Variants in RGS6 observed in about 807,000 individuals in gnomAD.
RGS6 encodes regulator of G protein signaling 6.
In RGS6, 30 loss-of-function variants were observed where a neutral mutation model predicts 78.5. The observed-to-expected ratio is 0.38, with a 90% confidence interval of 0.29 to 0.52. RGS6 has a LOEUF of 0.52. RGS6 is among the 20% of genes least tolerant of loss of function. The probability of loss-of-function intolerance (pLI) is 0.85; values close to 1 mark genes in which losing one functional copy is unlikely to be tolerated. For synonymous variants in RGS6, 206 were observed against 206.0 expected (o/e 1.00, Z 0.00); for missense variants, 495 against 609.7 (o/e 0.81, Z 1.98).
At chr14:72,545,657 G>A (rs2097385109) in intron 17 of RGS6, among the ~76,000 whole-genome samples, 1 of 152,190 alleles carries the variant, frequency 6.6e-6, no homozygotes, top group African/African-American at 2.4e-5. Flanking sequence ...GCCAGCCTGT[G>A]AGGCTGGGAA....
chr14:72,136,639 G>C (rs1012194134), intron 2 of RGS6, among the ~76,000 whole-genome samples: 1 of 152,108 alleles, frequency 6.6e-6, no homozygotes, highest in African/African-American at 2.4e-5. Context: ...CCTCCCACTG[G>C]GTCCCTCCCA....
At chr14:72,430,995 T>G in intron 3 of RGS6, among the ~76,000 whole-genome samples, 1 of 152,172 alleles carries the variant, frequency 6.6e-6, no homozygotes. Context: ...TCCATCCAAC[T>G]GAAGGGGTGA....
intron 2 of RGS6, among the ~76,000 whole-genome samples, chr14:72,172,258 C>T (rs931104951): frequency 2.7e-5 from 4 of 150,830 alleles, no homozygotes; most frequent in African/African-American, 9.8e-5. Context: ...GCAGTCCTTT[C>T]GAGATGATGT....
chr14:72,396,012 T>C lies in RGS6; in HGVS notation c.184+43818T>C, dbSNP rs558037042. On this transcript the variant is annotated intron_variant, in intron 3 of 17. Transcript: ENST00000553525. Reference sequence around the variant, plus strand: ...AAACATACGTGAGCATGTGTCTTTATGGCAGCATGATTTATAATCCTTTGG... The same window carrying C: ...AAACATACGTGAGCATGTGTCTTTACGGCAGCATGATTTATAATCCTTTGG... Among the ~76,000 whole-genome samples the C allele has an allele frequency of 5.7e-3, 865 of 152,256 alleles. 4 individuals are homozygous for C. Among genetic ancestry groups the C allele is most frequent in the Non-Finnish European group, 7.5e-3 (512 of 68,024 alleles).
At chr14:72,069,894 A>G (rs116980300) in intron 2 of RGS6, among the ~76,000 whole-genome samples, 8,166 of 152,222 alleles carry the variant, frequency 0.054, 336 homozygotes, top group Non-Finnish European at 0.083. Flanking sequence ...TTATTCACAT[A>G]TTTGCCACAT....
At chr14:72,588,622 G>T in the RGS6 span, among the ~76,000 whole-genome samples, 225 of 152,248 alleles carry the variant, frequency 1.5e-3, 8 homozygotes, top group South Asian at 0.045. Context: ...CAATTCTTTT[G>T]TTGAGGTTGC....
intron 15 of RGS6, among the ~76,000 whole-genome samples, chr14:72,527,047 G>A (rs1386252418): frequency 1.3e-5 from 2 of 152,306 alleles, no homozygotes; most frequent in East Asian, 1.9e-4. Flanking sequence ...TTACCAGGTT[G>A]GGACCTTGTT....
At chr14:72,548,051 G>C (rs1384108156) in intron 17 of RGS6, among the ~76,000 whole-genome samples, 1 of 152,132 alleles carries the variant, frequency 6.6e-6, no homozygotes, top group Non-Finnish European at 1.5e-5. Flanking sequence ...TAGGTGAAGT[G>C]AGTATATTCA....
the RGS6 span, among the ~76,000 whole-genome samples, chr14:72,591,071 A>G: frequency 2.0e-5 from 3 of 152,272 alleles, no homozygotes; most frequent in Non-Finnish European, 2.9e-5. Context: ...ATTCATACAA[A>G]AAAAAGACTT....
chr14:72,247,632 T>G (rs990843206), intron 2 of RGS6, among the ~76,000 whole-genome samples: 4 of 152,236 alleles, frequency 2.6e-5, no homozygotes, highest in African/African-American at 9.6e-5. Flanking sequence ...GTTGAAAATG[T>G]AATTCCAATG....
the RGS6 span, among the ~76,000 whole-genome samples, chr14:71,870,115 G>A: frequency 2.6e-5 from 4 of 152,146 alleles, no homozygotes; most frequent in Admixed American, 6.5e-5. Context: ...GGTCTTTTGG[G>A]CATCACCCAA....
intron 2 of RGS6, among the ~76,000 whole-genome samples, chr14:72,319,806 T>C (rs1451067497): frequency 6.6e-6 from 1 of 152,126 alleles, no homozygotes; most frequent in African/African-American, 2.4e-5. Context: ...AATAGTATAT[T>C]TGGGTGACGA....
intron 2 of RGS6, among the ~76,000 whole-genome samples, chr14:72,304,449 G>A (rs1371871733): frequency 6.6e-6 from 1 of 152,138 alleles, no homozygotes; most frequent in Non-Finnish European, 1.5e-5. Context: ...TAGACACTGG[G>A]TTTTTACTCT....
chr14:72,113,122 T>A (rs2095809469), intron 2 of RGS6, among the ~76,000 whole-genome samples: 2 of 151,962 alleles, frequency 1.3e-5, no homozygotes, highest in African/African-American at 2.4e-5. Context: ...ACACCCCACT[T>A]CATGCTTAGA....
chr14:72,323,987 G>C (rs371556614), intron 2 of RGS6, among the ~76,000 whole-genome samples: 6 of 151,418 alleles, frequency 4.0e-5, no homozygotes, highest in East Asian at 3.9e-4. Context: ...CATCACATTA[G>C]GGTAAATAGA....
intron 2 of RGS6, among the ~76,000 whole-genome samples, chr14:72,003,772 G>A (rs932860705): frequency 1.3e-5 from 2 of 152,084 alleles, no homozygotes; most frequent in Non-Finnish European, 2.9e-5. Flanking sequence ...TGTTGTCATT[G>A]GAAGGCCTCA....
intron 2 of RGS6, among the ~76,000 whole-genome samples, chr14:72,076,305 C>T (rs1179803640): frequency 6.6e-6 from 1 of 152,094 alleles, no homozygotes; most frequent in Non-Finnish European, 1.5e-5. Flanking sequence ...TTTATTTTTC[C>T]ATTTCTGAAT....
At chr14:72,019,486 G>GTCT (rs1567032538) in intron 2 of RGS6, among the ~76,000 whole-genome samples, 1 of 152,116 alleles carries the variant, frequency 6.6e-6, no homozygotes. Flanking sequence ...AAGGCAGATG[G>GTCT]GTGCACCATT....
At chr14:71,923,931 C>T in the RGS6 span, among the ~76,000 whole-genome samples, 2 of 152,284 alleles carry the variant, frequency 1.3e-5, no homozygotes, top group East Asian at 1.9e-4. Flanking sequence ...AGGAAACCTT[C>T]GTGATCTATG....
Sources: gnomAD v4.1 joint callset for allele counts (sites outside exome capture counted in the v4.1 genomes callset) on GRCh38, gnomAD v4.1.1 for gene constraint, MANE v1.5 for transcripts, NCBI Gene and HGNC (gene_info 2026-07-23, HGNC 2026-07-21) for gene names.